The following GSE1 variants were observed in gnomAD, a reference collection of about 807,000 sequenced individuals.
The protein encoded by GSE1 is Gse1 coiled-coil protein.
A neutral mutation model predicts 112.6 loss-of-function variants in GSE1; 32 were observed. That is an observed-to-expected ratio of 0.28 (90% CI 0.21 to 0.38). The LOEUF is 0.38. Ranked by LOEUF, GSE1 falls within the 10% of genes least tolerant of loss-of-function variation. GSE1 has a pLI of 1.00. For synonymous variants in GSE1, 1,115 were observed against 735.6 expected (o/e 1.52, Z -8.35); for missense variants, 2,348 against 1,699.2 (o/e 1.38, Z -6.71).
intron 2 of GSE1, among the ~76,000 whole-genome samples, chr16:85,538,554 C>T (rs997074820): frequency 1.3e-5 from 2 of 152,176 alleles, no homozygotes; most frequent in Non-Finnish European, 2.9e-5. Context: ...AGCCAGGGAG[C>T]TTGACAAGGG....
chr16:85,638,669 G>GC (rs1289967173), intron 2 of GSE1, among the ~76,000 whole-genome samples: 5 of 55,668 alleles, frequency 9.0e-5, no homozygotes, highest in Non-Finnish European at 1.8e-4. Context: ...CCCCTTCCCT[G>GC]CCCCCCACCC....
At chr16:85,446,906 G>C (rs921813928) in intron 2 of GSE1, among the ~76,000 whole-genome samples, 8 of 152,176 alleles carry the variant, frequency 5.3e-5, no homozygotes, top group South Asian at 2.1e-4. Flanking sequence ...CCCTCTGCAC[G>C]GGCACACCCT....
chr16:85,515,277 G>A (rs930605694), intron 2 of GSE1, among the ~76,000 whole-genome samples: 2 of 152,224 alleles, frequency 1.3e-5, no homozygotes, highest in African/African-American at 4.8e-5. Context: ...ACTCCAGCCC[G>A]GAGGCAGTGC....
intron 1 of GSE1, among the ~76,000 whole-genome samples, chr16:85,556,950 C>G (rs919169352): frequency 6.6e-6 from 1 of 152,076 alleles, no homozygotes; most frequent in Non-Finnish European, 1.5e-5. Flanking sequence ...TTCCTGTTTC[C>G]TTAACCTTCC....
chr16:85,290,610 C>T (rs1034403722), intron 1 of GSE1, among the ~76,000 whole-genome samples: 3 of 152,172 alleles, frequency 2.0e-5, no homozygotes, highest in Non-Finnish European at 4.4e-5. Flanking sequence ...CACACCATGC[C>T]AGGTGTTCTG....
chr16:85,452,618 C>A (rs1011476024), intron 2 of GSE1, among the ~76,000 whole-genome samples: 4 of 152,170 alleles, frequency 2.6e-5, no homozygotes, highest in Non-Finnish European at 5.9e-5. Flanking sequence ...GAATCCCCTG[C>A]CCCAGTGGGC....
chr16:85,313,436 G>T (rs954826276), intron 1 of GSE1, among the ~76,000 whole-genome samples: 5 of 152,188 alleles, frequency 3.3e-5, no homozygotes, highest in Admixed American at 3.3e-4. Context: ...GCCAGGGCCA[G>T]GCCATCTCGG....
chr16:85,240,267 A>T (rs953457459), intron 1 of GSE1, among the ~76,000 whole-genome samples: 2 of 152,164 alleles, frequency 1.3e-5, no homozygotes, highest in Admixed American at 1.3e-4. Context: ...CCCAGTCATT[A>T]GCCCAGGGGC....
At position 85,640,030 on chromosome 16, in the gene GSE1, G is replaced by A. The variant is rs558926073; in HGVS notation, c.226+5898G>A. Among the ~76,000 whole-genome samples, 32 of 152,332 alleles carry A rather than the reference G, an allele frequency of 2.1e-4. No homozygotes were observed. The South Asian group carries it at 4.1e-3, about 20-fold the overall frequency. On this transcript the variant is annotated intron_variant, in intron 2 of 15. Transcript: ENST00000253458. ...CTGGGAGGCCGGCGCTTTGGGAACA[G>A]GGTGGCTCCAGAGCCTTCCCAGGTG... is the stretch of plus-strand genomic sequence containing the variant.
chr16:85,546,646 CAG>C (rs1268367754), intron 2 of GSE1, among the ~76,000 whole-genome samples: 5 of 152,214 alleles, frequency 3.3e-5, no homozygotes, highest in African/African-American at 7.2e-5. Context: ...AAGAGAAAAA[CAG>C]AGGCTCGCAC....
intron 1 of GSE1, among the ~76,000 whole-genome samples, chr16:85,306,758 C>G (rs908644439): frequency 2.0e-5 from 3 of 152,208 alleles, no homozygotes; most frequent in Non-Finnish European, 2.9e-5. Context: ...ACCTCCAGCC[C>G]TGGGTATGGC....
At chr16:85,271,248 C>T (rs918160795) in intron 1 of GSE1, among the ~76,000 whole-genome samples, 5 of 152,140 alleles carry the variant, frequency 3.3e-5, no homozygotes, top group Non-Finnish European at 7.3e-5. Flanking sequence ...GATCGAGTTC[C>T]AGTTGCCCAC....
intron 1 of GSE1, among the ~76,000 whole-genome samples, chr16:85,231,440 A>G (rs139477591): frequency 2.0e-4 from 31 of 151,572 alleles, no homozygotes; most frequent in Non-Finnish European, 4.1e-4. Flanking sequence ...GGACAGATGA[A>G]TGGATGGATG....
At position 85,579,658 on chromosome 16, in the gene GSE1, C is replaced by T. The variant is rs548412914; in HGVS notation, c.37+23295C>T. On this transcript the variant is annotated intron_variant, in intron 1 of 2. Coordinates refer to the GSE1 transcript ENST00000635906. ...GGCTTGTGTTTTTGGTGCGGCCTCC[C>T]GTCTCTCTTCCTAGTCAGAGTCCTC... Among the ~76,000 whole-genome samples the T allele has an allele frequency of 9.8e-5, 15 of 152,304 alleles. No homozygotes were observed. The South Asian group carries it at 1.7e-3, about 17-fold the overall frequency.
At chr16:85,625,313 ATCCGGGAACC>A (rs2048998135) in intron 1 of GSE1, among the ~76,000 whole-genome samples, 1 of 152,094 alleles carries the variant, frequency 6.6e-6, no homozygotes, top group Non-Finnish European at 1.5e-5. Context: ...CCTCGCCTCC[ATCCGGGAACC>A]TCCGGGACCA....
chr16:85,401,744 G>A (rs2048120000), intron 2 of GSE1, among the ~76,000 whole-genome samples: 1 of 152,238 alleles, frequency 6.6e-6, no homozygotes, highest in Non-Finnish European at 1.5e-5. Flanking sequence ...ACTGCACGCC[G>A]GTTACTGGGG....
chr16:85,296,388 T>C (rs2045368017), intron 1 of GSE1, among the ~76,000 whole-genome samples: 1 of 152,116 alleles, frequency 6.6e-6, no homozygotes, highest in Non-Finnish European at 1.5e-5. Flanking sequence ...GTGGACTGCC[T>C]GAGCTCAGGA....
chr16:85,582,199 C>A (rs968984335), intron 1 of GSE1: 1 of 152,258 alleles, frequency 6.6e-6, no homozygotes, highest in Non-Finnish European at 1.5e-5. Context: ...TCACTTAGCA[C>A]CCGAACGGGG....
chr16:85,552,534 G>T (rs1169941350), upstream of GSE1, among the ~76,000 whole-genome samples: 1 of 137,858 alleles, frequency 7.3e-6, no homozygotes, highest in Non-Finnish European at 1.6e-5. Flanking sequence ...GAGTTTCACC[G>T]TGTTAGCCAG....
Sources: allele counts gnomAD v4.1 joint callset (sites outside exome capture counted in the v4.1 genomes callset), GRCh38; gene constraint gnomAD v4.1.1; transcripts MANE v1.5; gene names NCBI Gene and HGNC (gene_info 2026-07-23, HGNC 2026-07-21).